The following DISP1 variants were observed in gnomAD, a reference collection of about 807,000 sequenced individuals.
The protein encoded by DISP1 is dispatched RND transporter family member 1, also known as protein dispatched homolog 1.
In DISP1, 30 loss-of-function variants were observed where a neutral mutation model predicts 37.3. The observed-to-expected ratio is 0.80, with a 90% CI of 0.60 to 1.09. The LOEUF (loss-of-function observed/expected upper bound fraction) is 1.09, where lower values mean the gene tolerates loss of function less well. DISP1 is among the 50% of genes least tolerant of loss of function. The probability of loss-of-function intolerance (pLI) is 0.00; values close to 1 mark genes in which losing one functional copy is unlikely to be tolerated. For missense variants in DISP1, 1,598 were observed against 1,879.5 expected (o/e 0.85, Z 2.77); for synonymous variants, 634 against 690.2 (o/e 0.92, Z 1.28).
chr1:222,934,193 G>A (rs1472255271), intron 2 of DISP1, among the ~76,000 whole-genome samples: 1 of 151,994 alleles, frequency 6.6e-6, no homozygotes, highest in Non-Finnish European at 1.5e-5. Context: ...GGCATCTTGA[G>A]GTAGTGGAAA....
intron 3 of DISP1, among the ~76,000 whole-genome samples, chr1:222,965,218 C>G (rs1676388868): frequency 1.3e-5 from 2 of 152,146 alleles, no homozygotes; most frequent in South Asian, 4.1e-4. Flanking sequence ...TGGGTGACTT[C>G]TTTAACCTCT....
rs771252372 is a variant in DISP1 at position 222,991,505 on chromosome 1, G to T, written c.664-15G>T. ...AAATGAAATATACTAATGAGCACCTGTAATTTTGCCTTAGGGTTTTGAACC... is the reference window on the plus strand; with the variant it reads ...AAATGAAATATACTAATGAGCACCTTTAATTTTGCCTTAGGGTTTTGAACC... On this transcript the variant is annotated splice_polypyrimidine_tract_variant and intron_variant, in intron 5 of 8. Transcript: ENST00000675850. 6.2e-7 allele frequency: 1 copy of T among 1,613,514 alleles called. No homozygotes were observed. Among genetic ancestry groups the T allele is most frequent in the East Asian group, 2.2e-5 (1 of 44,800 alleles).
Position 222,899,557 on chromosome 1 carries a change from A to T in DISP1, c.-158-28873A>T, listed in dbSNP as rs184099991. On this transcript the variant is annotated intron_variant, in intron 1 of 8. Coordinates refer to ENST00000675850, the MANE Select transcript of DISP1 (RefSeq NM_001377229.1). ...TGATATTGTCTGGCTTACAGGAATG[A>T]GATTGTTTAACCTAGAGCAAGAGGA... 4.4e-4 allele frequency among the ~76,000 whole-genome samples: 67 copies of T among 152,196 alleles called. 1 individual carries two copies. The highest frequency in any genetic ancestry group is 3.9e-3 in the Admixed American group (60 of 15,280).
intron 1 of DISP1, among the ~76,000 whole-genome samples, chr1:222,926,821 C>G (rs2609401): frequency 0.26 from 38,884 of 151,900 alleles, 5,203 homozygotes; most frequent in South Asian, 0.47. Flanking sequence ...TGTGAAAAAC[C>G]TGGCACTAAA....
intron 8 of DISP1, among the ~76,000 whole-genome samples, chr1:223,000,779 T>C (rs1208531185): frequency 1.3e-5 from 2 of 152,158 alleles, no homozygotes; most frequent in Non-Finnish European, 2.9e-5. Context: ...AAGTCCCAGT[T>C]CTGAAGCAGT....
chr1:222,997,992 T>C (rs1166482866), intron 8 of DISP1, among the ~76,000 whole-genome samples: 2 of 152,120 alleles, frequency 1.3e-5, no homozygotes, highest in African/African-American at 4.8e-5. Flanking sequence ...TAAATACTAT[T>C]TTTACCAATT....
intron 3 of DISP1, among the ~76,000 whole-genome samples, chr1:222,973,239 C>T (rs1677082461): frequency 6.6e-6 from 1 of 152,146 alleles, no homozygotes; most frequent in African/African-American, 2.4e-5. Context: ...TTTAATTATA[C>T]AACTAATTTA....
rs770022569 is a variant in DISP1 at position 223,002,471 on chromosome 1, C to T, written c.1074C>T (p.Ile358=). 2.3e-4 allele frequency: 375 copies of T among 1,614,130 alleles called. No individual in the cohort carries two copies. The highest frequency in any genetic ancestry group is 2.9e-4 in the Non-Finnish European group (343 of 1,180,022). The change falls in exon 9 of 9, where the codon ATC becomes ATT. Residue 358 remains isoleucine, a synonymous_variant. Coordinates refer to ENST00000675850, the MANE Select transcript of DISP1 (RefSeq NM_001377229.1). Reference sequence around the variant, plus strand: ...CCAGCTGGACACTGGGAAACTACATCGCCATTCTGAACAATAGATCGTCCT... The same window carrying T: ...CCAGCTGGACACTGGGAAACTACATTGCCATTCTGAACAATAGATCGTCCT... ...CCPSWTLGNY[I]AILNNRSSCQ...
chr1:222,837,039 A>G (rs1667236318), intron 1 of DISP1: 2 of 398,524 alleles, frequency 5.0e-6, no homozygotes, highest in African/African-American at 4.1e-5. Context: ...CTAGCCCATG[A>G]CTACACAAGT....
rs1669877627 is a variant in DISP1, at chr1:222,875,035, A to G, written c.-158-53395A>G. Among the ~76,000 whole-genome samples the G allele has an allele frequency of 2.0e-5, 3 of 152,232 alleles. No individual in the cohort carries two copies. The South Asian group carries it at 6.2e-4, about 32-fold the overall frequency. On this transcript the variant is annotated intron_variant, in intron 1 of 8. Transcript: ENST00000675850. ...GGAAACTATTAGTTTACCATTGTAA[A>G]CGAATTGGTAAACCATTAGTTTACC...
At chr1:222,956,654 C>G (rs1240284276) in intron 3 of DISP1, among the ~76,000 whole-genome samples, 1 of 152,074 alleles carries the variant, frequency 6.6e-6, no homozygotes, top group African/African-American at 2.4e-5. Flanking sequence ...CTCTTTACCC[C>G]TGACCTCCTT....
At chr1:222,957,162 A>C (rs1675664756) in intron 3 of DISP1, among the ~76,000 whole-genome samples, 1 of 151,662 alleles carries the variant, frequency 6.6e-6, no homozygotes. Flanking sequence ...AAAAAAAAAA[A>C]AAAAAAGCAT....
chr1:222,878,938 TTAAGTA>T (rs1204361430), intron 1 of DISP1, among the ~76,000 whole-genome samples: 1 of 152,172 alleles, frequency 6.6e-6, no homozygotes, highest in African/African-American at 2.4e-5. Context: ...TGTAAGGAGA[TTAAGTA>T]TAAATACTTG....
At chr1:222,998,288 C>T (rs1285854047) in intron 8 of DISP1, among the ~76,000 whole-genome samples, 3 of 151,164 alleles carry the variant, frequency 2.0e-5, no homozygotes, top group Non-Finnish European at 2.9e-5. Flanking sequence ...TTATTAACAA[C>T]TATGAAGTTA....
chr1:223,005,596 G>A lies in DISP1; in HGVS notation c.4199G>A (p.Gly1400Glu), dbSNP rs770897795. The change falls in exon 9 of 9, where the codon GGA becomes GAA. Residue 1400 changes from glycine (G) to glutamate (E), a missense_variant. By Grantham distance (98) the Gly-to-Glu change is moderately conservative (BLOSUM62 -2). Transcript: ENST00000675850. ...EPSSFVCRSTGSLLKTCCDPE... is the reference protein window; with the variant it reads ...EPSSFVCRSTESLLKTCCDPE... Reference sequence around the variant, plus strand: ...TCGTCATTTGTCTGCAGAAGCACTGGATCGTTACTCAAAACGTGTTGCGAC... The same window carrying A: ...TCGTCATTTGTCTGCAGAAGCACTGAATCGTTACTCAAAACGTGTTGCGAC... 5 of 1,613,936 alleles carry A rather than the reference G, an allele frequency of 3.1e-6. No individual in the cohort carries two copies. The South Asian group carries it at 5.5e-5, about 18-fold the overall frequency.
intron 1 of DISP1, among the ~76,000 whole-genome samples, chr1:222,922,583 G>C (rs577779758): frequency 3.9e-5 from 6 of 152,170 alleles, no homozygotes; most frequent in Non-Finnish European, 8.8e-5. Context: ...TGACTGAAAG[G>C]GTGCGCAGAA....
chr1:222,833,675 G>A (rs1321445032), intron 1 of DISP1, among the ~76,000 whole-genome samples: 1 of 152,140 alleles, frequency 6.6e-6, no homozygotes, highest in African/African-American at 2.4e-5. Context: ...TGATGTATGA[G>A]TTATGAGGTG....
intron 2 of DISP1, among the ~76,000 whole-genome samples, chr1:222,937,959 C>T (rs1436313423): frequency 1.3e-5 from 2 of 152,186 alleles, no homozygotes; most frequent in Admixed American, 6.5e-5. Flanking sequence ...CCACAACCTC[C>T]GTCTCTTGGG....
chr1:222,856,079 T>G (rs189343650), intron 1 of DISP1, among the ~76,000 whole-genome samples: 1 of 152,236 alleles, frequency 6.6e-6, no homozygotes, highest in African/African-American at 2.4e-5. Context: ...CATTTATTTT[T>G]TATCGAGTTC....
Sources: gnomAD v4.1 joint callset for allele counts (sites outside exome capture counted in the v4.1 genomes callset) on GRCh38, gnomAD v4.1.1 for gene constraint, MANE v1.5 for transcripts, NCBI Gene and HGNC (gene_info 2026-07-23, HGNC 2026-07-21) for gene names.